The following C20orf96 variants were observed in gnomAD, a reference collection of about 807,000 sequenced individuals.
C20orf96 encodes uncharacterized protein C20orf96.
Under a neutral mutation model 52.6 loss-of-function variants are expected in C20orf96, and 57 were observed. That is an observed-to-expected ratio of 1.08 (90% CI 0.88 to 1.35). C20orf96 has a LOEUF of 1.35. Among genes scored for constraint, C20orf96 ranks in the 40% most tolerant of loss-of-function variants. C20orf96 has a pLI of 0.00. For missense variants in C20orf96, 478 were observed against 443.6 expected (o/e 1.08, Z -0.70); for synonymous variants, 168 against 157.2 (o/e 1.07, Z -0.51).
In C20orf96 at chr20:276,032, G is replaced by A. The variant is rs746867839; in HGVS notation, c.967C>T (p.Leu323Phe). 6.2e-7 allele frequency: 1 copy of A among 1,614,220 alleles called. No individual in the cohort carries two copies. The highest frequency in any genetic ancestry group is 8.5e-7 in the Non-Finnish European group (1 of 1,180,050). Residue 323 changes from leucine to phenylalanine, a missense_variant, in exon 10 of 11, where the codon CTC (leucine) becomes TTC (phenylalanine). By Grantham distance (22) the Leu-to-Phe change is conservative. Transcript: ENST00000360321. ...MPVLRAEVEE[L>F]QAQTREPREV... ...CGGGGTTCCCGGGTCTGGGCTTGGA[G>A]CTCTTCCACCTCGGCCCTTAATACA...
At position 271,203 on chromosome 20, in the gene C20orf96, C is replaced by A. The variant is rs1317236709; in HGVS notation, c.*4G>T. 6.4e-7 allele frequency: 1 copy of A among 1,553,952 alleles called. No homozygotes were observed. Reference sequence around the variant, plus strand: ...GAGGGGAGGGCGGCCCATGGCACTGCCATCTAGAAGGGTAGTGGCTCTTCC... The same window carrying A: ...GAGGGGAGGGCGGCCCATGGCACTGACATCTAGAAGGGTAGTGGCTCTTCC... On this transcript the variant is annotated 3_prime_UTR_variant, in exon 11 of 11. Transcript: ENST00000360321.
At chr20:290,430 C>T in intron 1 of C20orf96, 123 bp from the exon 2 acceptor site, 2 of 1,543,358 alleles carry the variant, frequency 1.3e-6, no homozygotes, top group Non-Finnish European at 1.7e-6. Flanking sequence ...ACAATAGCCC[C>T]GCGGGAGTGG....
At chr20:287,908 C>CAAAAAAAAAA (rs71327437) in intron 3 of C20orf96, among the ~76,000 whole-genome samples, 1,434 of 62,402 alleles carry the variant, frequency 0.023, 76 homozygotes, top group Non-Finnish European at 0.029. Flanking sequence ...GACTCCTTCT[C>CAAAAAAAAAA]AAAAAAAAAA....
At chr20:290,176 C>A in intron 2 of C20orf96, 83 bp downstream of exon 2, 2 of 1,082,450 alleles carry the variant, frequency 1.8e-6, no homozygotes, top group Non-Finnish European at 2.7e-6. Flanking sequence ...ATCCGCGGAG[C>A]AGTCACGACC....
At chr20:276,697 G>A (rs899916880) in intron 9 of C20orf96, 96 bp downstream of exon 9, 109 of 1,534,172 alleles carry the variant, frequency 7.1e-5, no homozygotes, top group Middle Eastern at 1.7e-4. Flanking sequence ...CCTCCTGAGC[G>A]CCAGATCAGG....
At chr20:271,531 C>G (rs2011841884) in intron 10 of C20orf96, among the ~76,000 whole-genome samples, 1 of 152,056 alleles carries the variant, frequency 6.6e-6, no homozygotes, top group Non-Finnish European at 1.5e-5. Context: ...GACAAATGTT[C>G]CCCTGACAAG....
At position 271,443 on chromosome 20, in the gene C20orf96, T is replaced by C. The variant is rs75084001; in HGVS notation, c.1032-176A>G. ...AAGCCCAACTGTGCATACACAAGCA[T>C]ACACACACACACACACACACACACA... On this transcript the variant is annotated intron_variant, in intron 10 of 10. Coordinates refer to ENST00000360321, the MANE Select transcript of C20orf96 (RefSeq NM_153269.3). Among the ~76,000 whole-genome samples the C allele has an allele frequency of 6.7e-4, 90 of 134,532 alleles. 1 individual carries two copies. The highest frequency in any genetic ancestry group is 7.3e-4 in the Non-Finnish European group (43 of 58,624). The allele number at this position is 134,532 out of a possible 152,430, so 88.3% of individuals were successfully genotyped here. A position where few individuals can be genotyped will look rare whatever the true frequency, so the allele number is the denominator to read the frequency against.
At chr20:288,162 C>CTTTTTTTTTTTTTTTT (rs1229988555) in intron 3 of C20orf96, among the ~76,000 whole-genome samples, 1 of 93,092 alleles carries the variant, frequency 1.1e-5, no homozygotes, top group Non-Finnish European at 2.2e-5. Context: ...TCATTTCTTT[C>CTTTTTTTTTTTTTTTT]TTTTTCTTTT....
intron 3 of C20orf96, among the ~76,000 whole-genome samples, chr20:286,271 CT>C (rs778044436): frequency 3.9e-5 from 6 of 152,028 alleles, no homozygotes; most frequent in Non-Finnish European, 5.9e-5. Flanking sequence ...AATCCCAGCA[CT>C]TTGGGAGGCT....
intron 3 of C20orf96, 105 bp from the exon 4 acceptor site, chr20:284,186 T>A: frequency 1.3e-6 from 1 of 787,418 alleles, no homozygotes. Flanking sequence ...AGACCCCAGC[T>A]CCACCCTCTG....
intron 10 of C20orf96, 103 bp from the exon 11 acceptor site, chr20:271,370 G>C (rs1174667504): frequency 1.1e-6 from 1 of 910,840 alleles, no homozygotes; most frequent in Non-Finnish European, 1.6e-6. Context: ...ACGTACTTGG[G>C]TTGGGGGGCA....
rs542315694 is a variant in C20orf96 at position 276,990 on chromosome 20, C to A, written c.825+54G>T. On this transcript the variant is annotated intron_variant, in intron 8 of 10. Transcript: ENST00000360321. ...TGGAGGCAGAGGATGGGGAAGAGGG[C>A]GGGGTGGGGGTGAGACCTGGATCCC... The A allele has an allele frequency of 4.4e-4, 694 of 1,590,248 alleles. 6 individuals are homozygous for A. The South Asian group carries it at 7.5e-3, about 17-fold the overall frequency.
chr20:288,886 T>A (rs971268402), intron 3 of C20orf96, among the ~76,000 whole-genome samples: 1 of 152,154 alleles, frequency 6.6e-6, no homozygotes, highest in Non-Finnish European at 1.5e-5. Flanking sequence ...GGTATTAGTG[T>A]CCCCATTTCA....
intron 10 of C20orf96, among the ~76,000 whole-genome samples, chr20:274,012 GAA>G (rs1248888501): frequency 8.7e-6 from 1 of 114,724 alleles, no homozygotes; most frequent in East Asian, 2.8e-4. Context: ...GAAAGAAAAA[GAA>G]AAGAGAGAAA....
At chr20:285,674 C>T (rs1385956201) in intron 3 of C20orf96, among the ~76,000 whole-genome samples, 1 of 152,272 alleles carries the variant, frequency 6.6e-6, no homozygotes, top group Middle Eastern at 3.4e-3. Context: ...TTCTGCCTCC[C>T]AGATTCAAGC....
At chr20:290,397 C>A in intron 1 of C20orf96, 90 bp from the exon 2 acceptor site, 2 of 1,568,778 alleles carry the variant, frequency 1.3e-6, no homozygotes, top group Non-Finnish European at 8.7e-7. Flanking sequence ...GAGTCTCGAA[C>A]CAGAAACTGC....
At chr20:289,805 G>T (rs928361117) in intron 2 of C20orf96, 129 bp from the exon 3 acceptor site, 4 of 690,918 alleles carry the variant, frequency 5.8e-6, no homozygotes, top group African/African-American at 5.4e-5. Flanking sequence ...CTGTAAAGTG[G>T]ATCTAATAAT....
In C20orf96 at chr20:270,884, T is replaced by C. The variant is rs1464774661; in HGVS notation, c.*323A>G. ...AAAAGCAAATGTAAATCCAGCTTTA[T>C]TGGTAAAAAAGGAATAGCAGATTTA... On this transcript the variant is annotated 3_prime_UTR_variant, in exon 11 of 11. Coordinates refer to ENST00000360321, the MANE Select transcript of C20orf96 (RefSeq NM_153269.3). The C allele has an allele frequency of 9.3e-6, 3 of 322,966 alleles. No homozygotes were observed. The highest frequency in any genetic ancestry group is 4.4e-5 in the African/African-American group (2 of 45,542). 20.0% of individuals were successfully genotyped at this position (322,966 alleles called of 1,614,324 possible).
intron 3 of C20orf96, among the ~76,000 whole-genome samples, chr20:285,983 G>C (rs182436668): frequency 3.3e-5 from 5 of 152,238 alleles, no homozygotes; most frequent in African/African-American, 1.2e-4. Context: ...AAATGAATAC[G>C]TTAAAATTTA....
Sources: gnomAD v4.1 joint callset for allele counts (sites outside exome capture counted in the v4.1 genomes callset) on GRCh38, gnomAD v4.1.1 for gene constraint, MANE v1.5 for transcripts, NCBI Gene and HGNC (gene_info 2026-07-23, HGNC 2026-07-21) for gene names.